Variants in ZCCHC10 observed in about 807,000 individuals in gnomAD.
The protein encoded by ZCCHC10 is zinc finger CCHC domain-containing protein 10.
In ZCCHC10, 16 loss-of-function variants were observed where a neutral mutation model predicts 19.5. The ratio of observed to expected loss-of-function variants is 0.82; its 90% CI spans 0.56 to 1.25. The LOEUF is 1.25. Among genes scored for constraint, ZCCHC10 ranks in the 50% most tolerant of loss-of-function variants. The pLI is 0.00. For synonymous variants in ZCCHC10, 67 were observed against 72.5 expected, an observed-to-expected ratio of 0.92 and a Z score of 0.38; for missense variants, 197 against 201.0, an observed-to-expected ratio of 0.98 and a Z score of 0.12.
chr5:133,026,419 G>C (rs1460716580), intron 1 of ZCCHC10, 78 bp downstream of exon 1: 1 of 1,559,006 alleles, frequency 6.4e-7, no homozygotes, highest in Non-Finnish European at 8.8e-7. Flanking sequence ...GGTCCCAATA[G>C]GGGTCCGACA....
At chr5:133,015,196 A>G (rs774708733) in intron 2 of ZCCHC10, among the ~76,000 whole-genome samples, 1 of 149,344 alleles carries the variant, frequency 6.7e-6, no homozygotes, top group Non-Finnish European at 1.5e-5. Flanking sequence ...CTCCTGCCTC[A>G]GCCTACTGAG....
At chr5:133,021,952 C>A (rs1268229286) in intron 2 of ZCCHC10, among the ~76,000 whole-genome samples, 2 of 151,986 alleles carry the variant, frequency 1.3e-5, no homozygotes, top group Non-Finnish European at 2.9e-5. Flanking sequence ...CGCCACGACA[C>A]CTGGCTAATT....
chr5:133,009,548 A>G (rs1763355202), intron 2 of ZCCHC10, among the ~76,000 whole-genome samples: 1 of 135,482 alleles, frequency 7.4e-6, no homozygotes, highest in Non-Finnish European at 1.5e-5. Flanking sequence ...AAGGAGGCAG[A>G]GGTTGCGGTG....
intron 2 of ZCCHC10, among the ~76,000 whole-genome samples, chr5:133,008,084 G>A (rs1318354891): frequency 6.6e-6 from 1 of 151,596 alleles, no homozygotes; most frequent in South Asian, 2.1e-4. Context: ...AATTAGCCGG[G>A]CGTGGTGGTG....
At chr5:133,005,921 G>C (rs1763089364) in intron 3 of ZCCHC10, among the ~76,000 whole-genome samples, 2 of 149,254 alleles carry the variant, frequency 1.3e-5, no homozygotes, top group African/African-American at 4.9e-5. Flanking sequence ...CTGTTGCCTT[G>C]AAAGTCTAAA....
At position 133,013,185 on chromosome 5, in the gene ZCCHC10, G is replaced by A. The variant is rs191432829; in HGVS notation, c.108-6265C>T. Among the ~76,000 whole-genome samples the A allele has an allele frequency of 8.7e-4, 130 of 148,726 alleles. 1 individual carries two copies. In the East Asian group the frequency reaches 0.018, roughly 21 times the overall value. ...AGGCAGGAGAATTGCTTGAACCCGA[G>A]AGGCACAGATTGCAGTGAGCCGAGA... On this transcript the variant is annotated intron_variant, in intron 2 of 4. Transcript: ENST00000509437.
chr5:133,006,207 C>T (rs1763112388), intron 3 of ZCCHC10, among the ~76,000 whole-genome samples: 3 of 151,948 alleles, frequency 2.0e-5, no homozygotes, highest in Middle Eastern at 3.4e-3. Context: ...CGTCGGCCTC[C>T]CAAAGTGTTG....
In ZCCHC10 at chr5:133,022,277, C is replaced by T. The variant is rs185589664; in HGVS notation, c.107+564G>A. 1.5e-3 allele frequency among the ~76,000 whole-genome samples: 231 copies of T among 152,082 alleles called. 1 individual carries two copies. Among genetic ancestry groups the T allele is most frequent in the African/African-American group, 5.1e-3 (212 of 41,468 alleles). ...TTTGTAAAAAACTAAGACACACACA[C>T]ATTAGCCTAGGTCTACACAGGGTCA... On this transcript the variant is annotated intron_variant, in intron 2 of 4. Transcript: ENST00000509437.
intron 1 of ZCCHC10, among the ~76,000 whole-genome samples, chr5:133,024,125 T>G (rs1445584055): frequency 6.6e-6 from 1 of 152,218 alleles, no homozygotes; most frequent in African/African-American, 2.4e-5. Context: ...ACAGACATAT[T>G]GTAGATATAA....
At chr5:133,020,774 G>A (rs982370335) in intron 2 of ZCCHC10, among the ~76,000 whole-genome samples, 9 of 152,140 alleles carry the variant, frequency 5.9e-5, no homozygotes, top group Middle Eastern at 3.4e-3. Flanking sequence ...AGGCTGGAGT[G>A]CAGTGGTGCA....
intron 2 of ZCCHC10, among the ~76,000 whole-genome samples, chr5:133,009,259 TC>T (rs1220134509): frequency 1.3e-5 from 2 of 151,774 alleles, no homozygotes; most frequent in Non-Finnish European, 1.5e-5. Flanking sequence ...TACTTCGGCC[TC>T]CCAAAGTGCT....
chr5:133,011,390 C>G (rs1310392133), intron 2 of ZCCHC10: 2 of 151,714 alleles, frequency 1.3e-5, no homozygotes, highest in South Asian at 2.1e-4. Context: ...TTTGGGAGGC[C>G]AAGGCAGGTG....
chr5:133,000,357 G>A (rs949150616), intron 3 of ZCCHC10, among the ~76,000 whole-genome samples, 184 bp from the exon 4 acceptor site: 1 of 152,084 alleles, frequency 6.6e-6, no homozygotes. Flanking sequence ...GGCTGTATAC[G>A]GTACATGCAG....
In ZCCHC10 at chr5:133,026,548, T is replaced by G; in HGVS notation, c.-11A>C. On this transcript the variant is annotated 5_prime_UTR_variant, in exon 1 of 5. Coordinates refer to ENST00000509437, the MANE Select transcript of ZCCHC10 (RefSeq NM_001300816.3). The stretch of plus-strand genomic sequence containing the variant: ...CATGGGAGTCGCCATCTTAGCGCGG[T>G]CAAAGCCGGCCGCGCAGGGTTTTGG... 6.2e-7 allele frequency: 1 copy of G among 1,613,126 alleles called. No individual in the cohort carries two copies. Among genetic ancestry groups the G allele is most frequent in the South Asian group, 1.1e-5 (1 of 90,904 alleles).
chr5:133,022,867 G>C lies in ZCCHC10; in HGVS notation c.81C>G (p.Ile27Met). 1 of 613,702 alleles carries C rather than the reference G, an allele frequency of 1.6e-6. No individual in the cohort carries two copies. The highest frequency in any genetic ancestry group is 3.1e-5 in the East Asian group (1 of 32,382). 38.0% of individuals were successfully genotyped at this position (613,702 alleles called of 1,614,324 possible). A position where few individuals can be genotyped will look rare whatever the true frequency, so the allele number is the denominator to read the frequency against. The change falls in exon 2 of 5, where the codon ATC (isoleucine) becomes ATG (methionine). Residue 27 changes from isoleucine (I) to methionine (M), a missense_variant. Ile to Met is a conservative substitution (Grantham distance 10). Coordinates refer to ENST00000509437, the MANE Select transcript of ZCCHC10 (RefSeq NM_001300816.3). The stretch of plus-strand genomic sequence containing the variant: ...TAATAACGATGGATGGCTGAATCAG[G>C]ATCCAAAAGGTCTTGACAGGCTGCA... ...TELQPVKTFW[I>M]LIQPSIVISE...
chr5:133,002,643 A>G (rs1762846663), intron 3 of ZCCHC10, among the ~76,000 whole-genome samples: 1 of 152,200 alleles, frequency 6.6e-6, no homozygotes, highest in South Asian at 2.1e-4. Flanking sequence ...GGCATATTAT[A>G]TACATATTAT....
chr5:133,022,075 C>T (rs974824401), intron 2 of ZCCHC10, among the ~76,000 whole-genome samples: 2 of 152,150 alleles, frequency 1.3e-5, no homozygotes, highest in African/African-American at 4.8e-5. Flanking sequence ...GGATTACAGG[C>T]ATGAGCCACC....
At chr5:132,999,987 A>T in intron 4 of ZCCHC10, 145 bp downstream of exon 4, 1 of 759,970 alleles carries the variant, frequency 1.3e-6, no homozygotes. Flanking sequence ...ACCTCAGGTG[A>T]TCCACCCACC....
At chr5:133,012,443 A>C (rs2126609200) in intron 2 of ZCCHC10, among the ~76,000 whole-genome samples, 1 of 150,712 alleles carries the variant, frequency 6.6e-6, no homozygotes, top group South Asian at 2.1e-4. Context: ...ACTCCAGCCT[A>C]GGCAACAGAG....
Sources: allele counts gnomAD v4.1 joint callset (sites outside exome capture counted in the v4.1 genomes callset), GRCh38; gene constraint gnomAD v4.1.1; transcripts MANE v1.5; gene names NCBI Gene and HGNC (gene_info 2026-07-23, HGNC 2026-07-21).